The following GPR39 variants were observed in gnomAD, a reference collection of about 807,000 sequenced individuals.
GPR39 encodes G protein-coupled receptor 39, also known as zinc sensing receptor.
In GPR39, 23 loss-of-function variants were observed where a neutral mutation model predicts 18.4. The observed-to-expected ratio is 1.25, with a 90% confidence interval of 0.90 to 1.77. The LOEUF is 1.77. Ranked by LOEUF, GPR39 falls within the 40% of genes most tolerant of loss-of-function variation. The pLI is 0.00. For missense variants in GPR39, 647 were observed against 602.4 expected, an observed-to-expected ratio of 1.07 and a Z score of -0.78; for synonymous variants, 280 against 257.9, an observed-to-expected ratio of 1.09 and a Z score of -0.82.
At chr2:132,540,184 T>C (rs1020184324) in intron 1 of GPR39, among the ~76,000 whole-genome samples, 1 of 152,300 alleles carries the variant, frequency 6.6e-6, no homozygotes, top group East Asian at 1.9e-4. Flanking sequence ...CTCTAACATA[T>C]GTAGAAAACT....
intron 1 of GPR39, among the ~76,000 whole-genome samples, chr2:132,538,236 T>TTTGTTG (rs917474278): frequency 6.6e-6 from 1 of 152,024 alleles, no homozygotes; most frequent in Non-Finnish European, 1.5e-5. Flanking sequence ...TTTTTGTATT[T>TTTGTTG]TTGTTGTTGT....
At chr2:132,492,769 T>TATATA (rs1297940306) in intron 1 of GPR39, among the ~76,000 whole-genome samples, 949 of 75,248 alleles carry the variant, frequency 0.013, 18 homozygotes, top group Non-Finnish European at 0.02. Context: ...ATATATACAT[T>TATATA]CCATATATAT....
intron 1 of GPR39, among the ~76,000 whole-genome samples, chr2:132,485,744 C>T (rs1681324312): frequency 6.6e-6 from 1 of 152,204 alleles, no homozygotes; most frequent in Non-Finnish European, 1.5e-5. Flanking sequence ...CTTACTATTT[C>T]CACCATATAT....
At chr2:132,529,190 C>G (rs7556695) in intron 1 of GPR39, among the ~76,000 whole-genome samples, 33,756 of 152,186 alleles carry the variant, frequency 0.22, 4,292 homozygotes, top group East Asian at 0.6. Context: ...GCTTAACAAA[C>G]AGCACACCAG....
chr2:132,637,265 A>G (rs1238523009), intron 1 of GPR39, among the ~76,000 whole-genome samples: 1 of 152,212 alleles, frequency 6.6e-6, no homozygotes, highest in Admixed American at 6.5e-5. Context: ...GTAGTGATTG[A>G]TAGTTTTTCT....
intron 1 of GPR39, among the ~76,000 whole-genome samples, chr2:132,592,240 G>A (rs370753252): frequency 6.6e-6 from 1 of 152,184 alleles, no homozygotes; most frequent in East Asian, 1.9e-4. Context: ...ACATGGGAGT[G>A]AAACTGTAGA....
intron 1 of GPR39, among the ~76,000 whole-genome samples, chr2:132,639,267 GA>G (rs1284019460): frequency 1.3e-5 from 2 of 151,374 alleles, no homozygotes; most frequent in African/African-American, 4.9e-5. Flanking sequence ...ATAAAAGGGG[GA>G]TAAGGGCTGG....
At chr2:132,586,730 C>T (rs545326291) in intron 1 of GPR39, among the ~76,000 whole-genome samples, 2 of 152,306 alleles carry the variant, frequency 1.3e-5, no homozygotes, top group East Asian at 3.9e-4. Context: ...ACACTTACTG[C>T]GTGGTGCACA....
chr2:132,592,439 G>C (rs1268832276), intron 1 of GPR39, among the ~76,000 whole-genome samples: 2 of 152,184 alleles, frequency 1.3e-5, no homozygotes, highest in Non-Finnish European at 2.9e-5. Context: ...CAGAGTCAGG[G>C]AGAATGGGGT....
At chr2:132,530,046 AC>A (rs1679584908) in intron 1 of GPR39, among the ~76,000 whole-genome samples, 1 of 152,082 alleles carries the variant, frequency 6.6e-6, no homozygotes, top group Admixed American at 6.5e-5. Flanking sequence ...CAGAAGATCA[AC>A]CTACTCTGAG....
At chr2:132,501,270 G>T (rs1321074788) in intron 1 of GPR39, among the ~76,000 whole-genome samples, 1 of 151,528 alleles carries the variant, frequency 6.6e-6, no homozygotes, top group East Asian at 1.9e-4. Flanking sequence ...TATTCCAGAG[G>T]TTTTGTCATT....
chr2:132,437,853 T>C (rs1356404509), intron 1 of GPR39, among the ~76,000 whole-genome samples: 1 of 152,208 alleles, frequency 6.6e-6, no homozygotes, highest in African/African-American at 2.4e-5. Context: ...TGGAGCTAGA[T>C]GGCTCCTCCT....
rs1048777626 is a variant in GPR39 at position 132,646,558 on chromosome 2, TATTTAC to T, written c.*957_*962del. Reference sequence around the variant, plus strand: ...TTAATAAAGAGCTGTTAAATAGACTTATTTACATTTTAAGTCAGAGTTCACACTGTG... The same window carrying T: ...TTAATAAAGAGCTGTTAAATAGACTTATTTTAAGTCAGAGTTCACACTGTG... On this transcript the variant is annotated 3_prime_UTR_variant, in exon 2 of 2. Transcript: ENST00000329321. 1 of 327,714 alleles carries T rather than the reference TATTTAC, an allele frequency of 3.1e-6. No homozygotes were observed. The allele number at this position is 327,714 out of a possible 1,614,324, so 20.3% of individuals were successfully genotyped here. A position where few individuals can be genotyped will look rare whatever the true frequency, so the allele number is the denominator to read the frequency against.
intron 1 of GPR39, among the ~76,000 whole-genome samples, chr2:132,487,281 T>A (rs115613973): frequency 4.7e-4 from 71 of 152,356 alleles, no homozygotes; most frequent in African/African-American, 1.1e-3. Flanking sequence ...TTATTCTTAC[T>A]GTATTTCACT....
intron 1 of GPR39, among the ~76,000 whole-genome samples, chr2:132,437,413 G>A (rs1030960953): frequency 6.6e-6 from 1 of 152,172 alleles, no homozygotes; most frequent in Non-Finnish European, 1.5e-5. Context: ...CATTTGAGAA[G>A]AGACATGCAG....
intron 1 of GPR39, among the ~76,000 whole-genome samples, chr2:132,444,320 T>C (rs1375558889): frequency 1.3e-5 from 2 of 151,926 alleles, no homozygotes; most frequent in Admixed American, 6.6e-5. Context: ...AAAGACAGGG[T>C]CTCACTCTTG....
At chr2:132,525,322 A>G (rs1679488726) in intron 1 of GPR39, among the ~76,000 whole-genome samples, 1 of 152,178 alleles carries the variant, frequency 6.6e-6, no homozygotes, top group Non-Finnish European at 1.5e-5. Context: ...CATCTGTGAA[A>G]TGGGGATAAT....
intron 1 of GPR39, among the ~76,000 whole-genome samples, chr2:132,461,051 G>A (rs908136008): frequency 6.6e-6 from 1 of 152,312 alleles, no homozygotes; most frequent in Non-Finnish European, 1.5e-5. Context: ...TGAGTAACTT[G>A]GAGGATGTGG....
chr2:132,456,657 C>G (rs939609713), intron 1 of GPR39, among the ~76,000 whole-genome samples: 2 of 152,140 alleles, frequency 1.3e-5, no homozygotes, highest in African/African-American at 4.8e-5. Flanking sequence ...TTCAGGAGCT[C>G]TTGTAAGTCA....
Sources: gnomAD v4.1 joint callset for allele counts (sites outside exome capture counted in the v4.1 genomes callset) on GRCh38, gnomAD v4.1.1 for gene constraint, MANE v1.5 for transcripts, NCBI Gene and HGNC (gene_info 2026-07-23, HGNC 2026-07-21) for gene names.